Variants in GLRA2 observed in about 807,000 individuals in gnomAD.
GLRA2 encodes glycine receptor alpha 2.
A neutral mutation model predicts 31.6 loss-of-function variants in GLRA2; 11 were observed. The ratio of observed to expected loss-of-function variants is 0.35; its 90% confidence interval spans 0.22 to 0.58. GLRA2 has a LOEUF of 0.58. Among genes scored for constraint, GLRA2 ranks in the 20% least tolerant of loss-of-function variants. The pLI, the probability that GLRA2 is intolerant of heterozygous loss-of-function variation, is 0.84. For synonymous variants in GLRA2, 132 were observed against 134.0 expected (o/e 0.99, Z 0.10); for missense variants, 212 against 351.8 (o/e 0.60, Z 3.18).
intron 7 of GLRA2, among the ~76,000 whole-genome samples, chrX:14,665,955 C>T (rs929078200): frequency 8.9e-6 from 1 of 111,907 alleles, no homozygotes; most frequent in African/African-American, 3.2e-5. Flanking sequence ...GGGAAAATCT[C>T]TCAAGCTCTC....
intron 2 of GLRA2, among the ~76,000 whole-genome samples, chrX:14,542,513 A>C (rs1050573135): frequency 3.6e-5 from 4 of 111,012 alleles, no homozygotes; most frequent in Admixed American, 2.9e-4. Context: ...TGTCCGGTCA[A>C]AGCTGTAGTT....
intron 7 of GLRA2, among the ~76,000 whole-genome samples, chrX:14,618,379 G>A (rs776024114): frequency 9.0e-6 from 1 of 111,718 alleles, no homozygotes; most frequent in South Asian, 3.7e-4. Flanking sequence ...AGAATTATGT[G>A]TTTGTATACA....
At chrX:14,661,678 C>G (rs1346884621) in intron 7 of GLRA2, among the ~76,000 whole-genome samples, 1 of 109,678 alleles carries the variant, frequency 9.1e-6, no homozygotes, top group African/African-American at 3.3e-5. Context: ...TCGAAACCAG[C>G]CTGGGCAACA....
the GLRA2 span, among the ~76,000 whole-genome samples, chrX:14,459,665 C>T: frequency 1.8e-5 from 2 of 111,681 alleles, no homozygotes; most frequent in Non-Finnish European, 3.8e-5. Flanking sequence ...CATGATTTGG[C>T]TCTCTGTTTG....
chrX:14,527,760 A>G (rs985867330), upstream of GLRA2, among the ~76,000 whole-genome samples: 1 of 111,870 alleles, frequency 8.9e-6, no homozygotes, highest in African/African-American at 3.3e-5. Flanking sequence ...AATCTGTGCT[A>G]TTTTTCCATG....
intron 7 of GLRA2, among the ~76,000 whole-genome samples, chrX:14,623,576 T>C (rs750878319): frequency 8.9e-6 from 1 of 111,997 alleles, no homozygotes; most frequent in South Asian, 3.8e-4. Context: ...TTGAATTTTG[T>C]CAAAGGCCTT....
At chrX:14,454,049 A>T in the GLRA2 span, among the ~76,000 whole-genome samples, 1 of 111,150 alleles carries the variant, frequency 9.0e-6, no homozygotes, top group Admixed American at 9.6e-5. Flanking sequence ...CGTAGTAGAA[A>T]GGTGAGTTGG....
At chrX:14,675,624 G>A (rs1344297240) in intron 7 of GLRA2, among the ~76,000 whole-genome samples, 1 of 111,481 alleles carries the variant, frequency 9.0e-6, no homozygotes, top group Non-Finnish European at 1.9e-5. Flanking sequence ...GGGTGAGGGT[G>A]GTGACACTGG....
At chrX:14,522,777 A>G in the GLRA2 span, among the ~76,000 whole-genome samples, 1 of 111,838 alleles carries the variant, frequency 8.9e-6, no homozygotes, top group Non-Finnish European at 1.9e-5. Flanking sequence ...TTTGAAAGGA[A>G]TATTTTTTCA....
chrX:14,611,452 G>A (rs1227149742), intron 7 of GLRA2, among the ~76,000 whole-genome samples: 2 of 112,950 alleles, frequency 1.8e-5, no homozygotes, highest in African/African-American at 6.4e-5. Flanking sequence ...TTATGGGCAA[G>A]CCCATGCACA....
At chrX:14,474,189 A>G in the GLRA2 span, among the ~76,000 whole-genome samples, 1 of 111,655 alleles carries the variant, frequency 9.0e-6, no homozygotes, top group Non-Finnish European at 1.9e-5. Flanking sequence ...TTATCATTAG[A>G]CCATCAAATT....
intron 8 of GLRA2, among the ~76,000 whole-genome samples, chrX:14,718,580 C>T (rs1177849962): frequency 2.7e-5 from 3 of 111,848 alleles, no homozygotes; most frequent in Non-Finnish European, 3.8e-5. Context: ...TTAGCTCAGA[C>T]GATTCAAAGA....
intron 7 of GLRA2, among the ~76,000 whole-genome samples, chrX:14,683,585 C>T (rs921274542): frequency 6.3e-5 from 7 of 111,518 alleles, no homozygotes; most frequent in African/African-American, 2.3e-4. Context: ...GCTTTTGTTG[C>T]CATTGCTTTT....
intron 8 of GLRA2, among the ~76,000 whole-genome samples, chrX:14,701,861 TGTATCAACTA>T (rs2091546331): frequency 8.9e-6 from 1 of 112,422 alleles, no homozygotes; most frequent in Non-Finnish European, 1.9e-5. Flanking sequence ...AAAGAAAACT[TGTATCAACTA>T]GTGTCCTTTT....
the GLRA2 span, among the ~76,000 whole-genome samples, chrX:14,458,748 G>A: frequency 9.0e-6 from 1 of 111,539 alleles, no homozygotes; most frequent in African/African-American, 3.3e-5. Flanking sequence ...ATTTGTTTGA[G>A]TTCATTGTAG....
intron 2 of GLRA2, among the ~76,000 whole-genome samples, chrX:14,556,370 A>G (rs755039074): frequency 2.7e-5 from 3 of 111,493 alleles, no homozygotes; most frequent in African/African-American, 9.8e-5. Flanking sequence ...GTTCATGAAA[A>G]ATTCTCAGGT....
At chrX:14,452,697 T>TG in the GLRA2 span, among the ~76,000 whole-genome samples, 16,895 of 111,133 alleles carry the variant, frequency 0.15, 1,098 homozygotes, top group Non-Finnish European at 0.2. Flanking sequence ...GACTGAGAAG[T>TG]GGGGGGATTA....
chrX:14,532,160 A>T, intron 1 of GLRA2, 79 bp from the exon 2 acceptor site: 1 of 692,851 alleles, frequency 1.4e-6, no homozygotes, highest in Non-Finnish European at 2.0e-6. Flanking sequence ...ACCAAAATGT[A>T]AAGTTAAAAA....
chrX:14,500,999 A>G, the GLRA2 span, among the ~76,000 whole-genome samples: 1 of 110,634 alleles, frequency 9.0e-6, no homozygotes, highest in Non-Finnish European at 1.9e-5. Context: ...GTTTCTTTAT[A>G]AAATTGATAA....
Sources: gnomAD v4.1 joint callset for allele counts (sites outside exome capture counted in the v4.1 genomes callset) on GRCh38, gnomAD v4.1.1 for gene constraint, MANE v1.5 for transcripts, NCBI Gene and HGNC (gene_info 2026-07-23, HGNC 2026-07-21) for gene names.